Variants in ENAH observed in about 807,000 individuals in gnomAD.
ENAH encodes protein enabled homolog.
In ENAH, 23 loss-of-function variants were observed where a neutral mutation model predicts 78.7. The observed-to-expected ratio is 0.29, with a 90% CI of 0.21 to 0.41. ENAH has a LOEUF of 0.41. Among genes scored for constraint, ENAH ranks in the 10% least tolerant of loss-of-function variants. ENAH has a pLI of 1.00. For missense variants in ENAH, 544 were observed against 691.0 expected (o/e 0.79, Z 2.39); for synonymous variants, 226 against 241.0 (o/e 0.94, Z 0.58).
chr1:225,556,849 A>G (rs2096669514), intron 2 of ENAH, among the ~76,000 whole-genome samples: 1 of 152,116 alleles, frequency 6.6e-6, no homozygotes. Context: ...ACTGGAATTG[A>G]TCTGTGCCTA....
At chr1:225,609,968 T>C (rs2096979430) in intron 1 of ENAH, among the ~76,000 whole-genome samples, 1 of 152,022 alleles carries the variant, frequency 6.6e-6, no homozygotes, top group Non-Finnish European at 1.5e-5. Context: ...CCGGCCTACT[T>C]TTTTTATTAG....
chr1:225,606,422 G>GCACT (rs1454786012), intron 1 of ENAH, among the ~76,000 whole-genome samples: 5 of 144,666 alleles, frequency 3.5e-5, no homozygotes, highest in African/African-American at 1.3e-4. Flanking sequence ...ACGCACCACT[G>GCACT]CACTCCAGCC....
At position 225,498,178 on chromosome 1, in the gene ENAH, T is replaced by A. The variant is rs146290292; in HGVS notation, c.1675+169A>T. 8.8e-4 allele frequency among the ~76,000 whole-genome samples: 134 copies of A among 152,266 alleles called. 1 individual carries two copies. Among genetic ancestry groups the A allele is most frequent in the African/African-American group, 3.2e-3 (134 of 41,556 alleles). ...TCCCTATTTATAAAAATAATTTCCA[T>A]TATATGAAGGAGAAACCTCCTCCCC... On this transcript the variant is annotated intron_variant, in intron 13 of 13. Transcript: ENST00000366843.
chr1:225,529,032 C>T (rs2096525166), intron 4 of ENAH, among the ~76,000 whole-genome samples: 1 of 152,200 alleles, frequency 6.6e-6, no homozygotes, highest in Non-Finnish European at 1.5e-5. Context: ...GCAACAGCCT[C>T]TTAACTGGCT....
chr1:225,523,696 G>A (rs1468513599), intron 4 of ENAH, among the ~76,000 whole-genome samples: 1 of 152,094 alleles, frequency 6.6e-6, no homozygotes, highest in Non-Finnish European at 1.5e-5. Context: ...AATCTTGTGT[G>A]GCATGAATAA....
At chr1:225,508,237 CAA>C (rs2096349688) in intron 10 of ENAH, among the ~76,000 whole-genome samples, 1 of 151,922 alleles carries the variant, frequency 6.6e-6, no homozygotes, top group Admixed American at 6.6e-5. Context: ...AGTAAGTTTC[CAA>C]GGAAAACTTA....
chr1:225,617,569 G>T (rs1357172801), intron 1 of ENAH, among the ~76,000 whole-genome samples: 1 of 151,502 alleles, frequency 6.6e-6, no homozygotes, highest in Non-Finnish European at 1.5e-5. Context: ...TAGCTGTACA[G>T]TGCTAAGTGG....
chr1:225,591,467 T>TA (rs776686674), intron 1 of ENAH, among the ~76,000 whole-genome samples: 1,591 of 113,242 alleles, frequency 0.014, 13 homozygotes, highest in African/African-American at 0.033. Context: ...AAACTACGTT[T>TA]AAAAAAAAAA....
intron 3 of ENAH, among the ~76,000 whole-genome samples, chr1:225,552,962 G>C (rs148718333): frequency 6.6e-6 from 1 of 152,244 alleles, no homozygotes; most frequent in South Asian, 2.1e-4. Context: ...GGCTGTGCAC[G>C]GTGGCTCATG....
intron 1 of ENAH, among the ~76,000 whole-genome samples, chr1:225,606,842 C>CAAAAAAAA (rs59168194): frequency 2.0e-5 from 1 of 49,048 alleles, no homozygotes. Context: ...GACTCTGTCT[C>CAAAAAAAA]AAAAAAAAAA....
chr1:225,640,421 C>T (rs941087980), intron 1 of ENAH, among the ~76,000 whole-genome samples: 2 of 152,070 alleles, frequency 1.3e-5, no homozygotes, highest in African/African-American at 2.4e-5. Flanking sequence ...CTTGTTCTTA[C>T]GCCAATTATT....
intron 1 of ENAH, 196 bp downstream of exon 1, chr1:225,652,490 A>T (rs778113129): frequency 2.8e-5 from 25 of 901,812 alleles, no homozygotes; most frequent in Non-Finnish European, 3.2e-5. Context: ...CGAGACCCCC[A>T]AACCACACGG....
chr1:225,520,923 AGGG>A (rs1159857226), intron 4 of ENAH, among the ~76,000 whole-genome samples: 6 of 274 alleles, frequency 0.022, no homozygotes, highest in Admixed American at 0.15. Context: ...GAAGGGAGGA[AGGG>A]AGGGAGGGAG....
At chr1:225,585,244 A>C (rs1039625269) in intron 1 of ENAH, among the ~76,000 whole-genome samples, 2 of 123,028 alleles carry the variant, frequency 1.6e-5, no homozygotes, top group Non-Finnish European at 3.4e-5. Flanking sequence ...AAAAAAAAAA[A>C]AAACAGAGAA....
At chr1:225,651,751 GAGA>G (rs1663052496) in intron 1 of ENAH, among the ~76,000 whole-genome samples, 1 of 152,204 alleles carries the variant, frequency 6.6e-6, no homozygotes, top group East Asian at 1.9e-4. Context: ...AATCCGAAAA[GAGA>G]AGGTTATGGA....
At chr1:225,584,150 T>C (rs1016564068) in intron 1 of ENAH, among the ~76,000 whole-genome samples, 2 of 152,090 alleles carry the variant, frequency 1.3e-5, no homozygotes, top group Non-Finnish European at 2.9e-5. Flanking sequence ...AAGACTCTGT[T>C]TCAAAAACAA....
At position 225,652,815 on chromosome 1, in the gene ENAH, C is replaced by T. The variant is rs1359636595; in HGVS notation, c.-125G>A. ...ACGGGAGACAAGTGTCCGGCTCCTC[C>T]TTCGGCGGCCAGGGGGCTACACCAT... On this transcript the variant is annotated 5_prime_UTR_variant, in exon 1 of 14. Transcript: ENST00000366843. 1.3e-6 allele frequency: 1 copy of T among 783,474 alleles called. No homozygotes were observed. The highest frequency in any genetic ancestry group is 1.8e-6 in the Non-Finnish European group (1 of 569,262). 48.5% of individuals were successfully genotyped at this position (783,474 alleles called of 1,614,324 possible). A position where few individuals can be genotyped will look rare whatever the true frequency, so the allele number is the denominator to read the frequency against.
chr1:225,616,646 A>G (rs1270859809), intron 1 of ENAH, among the ~76,000 whole-genome samples: 2 of 152,194 alleles, frequency 1.3e-5, no homozygotes, highest in Admixed American at 1.3e-4. Context: ...AAGCTAATTG[A>G]GATGCTCAAA....
chr1:225,595,142 G>A (rs1247350609), intron 1 of ENAH, among the ~76,000 whole-genome samples: 2 of 152,152 alleles, frequency 1.3e-5, no homozygotes, highest in African/African-American at 4.8e-5. Context: ...AGACCAGCCT[G>A]ACCAACATGG....
Sources: gnomAD v4.1 joint callset for allele counts (sites outside exome capture counted in the v4.1 genomes callset) on GRCh38, gnomAD v4.1.1 for gene constraint, MANE v1.5 for transcripts, NCBI Gene and HGNC (gene_info 2026-07-23, HGNC 2026-07-21) for gene names.